OPCML: variants seen among roughly 807,000 people sequenced by gnomAD.
The protein encoded by OPCML is opioid binding protein/cell adhesion molecule like.
OPCML carries 13 observed loss-of-function variants against 37.8 expected under a neutral mutation model. The ratio of observed to expected loss-of-function variants is 0.34; its 90% confidence interval spans 0.22 to 0.55. The LOEUF (loss-of-function observed/expected upper bound fraction) is 0.55. Ranked by LOEUF, OPCML falls within the 20% of genes least tolerant of loss-of-function variation. The probability of loss-of-function intolerance (pLI) is 0.91; values close to 1 mark genes in which losing one functional copy is unlikely to be tolerated. For missense variants in OPCML, 341 were observed against 435.6 expected, an observed-to-expected ratio of 0.78 and a Z score of 1.93; for synonymous variants, 176 against 168.8, an observed-to-expected ratio of 1.04 and a Z score of -0.33.
At chr11:132,570,113 A>G (rs949886060) in intron 3 of OPCML, among the ~76,000 whole-genome samples, 2 of 152,228 alleles carry the variant, frequency 1.3e-5, no homozygotes, top group African/African-American at 4.8e-5. Context: ...ATCAAAATTC[A>G]TAAATAACGG....
intron 2 of OPCML, among the ~76,000 whole-genome samples, chr11:132,692,576 G>A (rs1343091563): frequency 6.6e-6 from 1 of 152,176 alleles, no homozygotes; most frequent in African/African-American, 2.4e-5. Context: ...AAATCACCCA[G>A]GGGAGGTGCT....
chr11:133,235,382 C>G (rs1310868668), intron 1 of OPCML, among the ~76,000 whole-genome samples: 4 of 151,920 alleles, frequency 2.6e-5, no homozygotes, highest in African/African-American at 4.8e-5. Flanking sequence ...TTATGTAACT[C>G]TAGTACCAGA....
At chr11:132,924,552 G>A (rs992764903) in intron 2 of OPCML, among the ~76,000 whole-genome samples, 8 of 152,174 alleles carry the variant, frequency 5.3e-5, no homozygotes, top group Admixed American at 4.6e-4. Context: ...TTCTTGCAAT[G>A]CTTTAAATAT....
intron 2 of OPCML, among the ~76,000 whole-genome samples, chr11:132,777,799 GTC>G (rs1491158973): frequency 2.0e-5 from 3 of 152,238 alleles, no homozygotes; most frequent in South Asian, 2.1e-4. Flanking sequence ...TTTGAATCTG[GTC>G]TCACACCTGT....
intron 1 of OPCML, among the ~76,000 whole-genome samples, chr11:133,448,802 C>G (rs1398712320): frequency 6.6e-6 from 1 of 152,154 alleles, no homozygotes; most frequent in African/African-American, 2.4e-5. Context: ...ATATCATCAT[C>G]TAGAGATCCA....
intron 1 of OPCML, among the ~76,000 whole-genome samples, chr11:133,479,998 G>A (rs1348667454): frequency 2.0e-5 from 3 of 152,190 alleles, no homozygotes; most frequent in African/African-American, 4.8e-5. Flanking sequence ...AGAAAAAGGG[G>A]AACGTTTCTA....
At chr11:132,695,544 C>T (rs1291407228) in intron 2 of OPCML, among the ~76,000 whole-genome samples, 1 of 152,160 alleles carries the variant, frequency 6.6e-6, no homozygotes, top group Non-Finnish European at 1.5e-5. Flanking sequence ...CATGACCAGG[C>T]TGAATAACTT....
chr11:132,769,243 GT>G (rs547838851), intron 2 of OPCML, among the ~76,000 whole-genome samples: 46 of 144,802 alleles, frequency 3.2e-4, no homozygotes, highest in South Asian at 1.3e-3. Flanking sequence ...TTTGTTTGTT[GT>G]TTTTTTTTTT....
At position 133,205,552 on chromosome 11, in the gene OPCML, C is replaced by T. The variant is rs192411278; in HGVS notation, c.62-262542G>A. Among the ~76,000 whole-genome samples, 1 of 152,312 alleles carries T rather than the reference C, an allele frequency of 6.6e-6. No homozygotes were observed. Among genetic ancestry groups the T allele is most frequent in the Admixed American group, 6.5e-5 (1 of 15,306 alleles). On this transcript the variant is annotated intron_variant, in intron 1 of 7. Coordinates refer to ENST00000524381, the MANE Select transcript of OPCML (RefSeq NM_001012393.5). The surrounding 1 kb of genome is among the most constrained non-coding windows in gnomAD (Gnocchi z 4.8). ...GAGCCTCACCCTATGGGGACTGACG[C>T]CGTCTCCAGGTAGACAGTGTCAGAA... is the stretch of plus-strand genomic sequence containing the variant.
At chr11:133,303,033 C>T (rs1942818978) in intron 1 of OPCML, among the ~76,000 whole-genome samples, 1 of 152,124 alleles carries the variant, frequency 6.6e-6, no homozygotes, top group Non-Finnish European at 1.5e-5. Context: ...GTTTGGATAT[C>T]GGTTATTGAG....
chr11:133,042,587 C>G (rs1035944295), intron 1 of OPCML, among the ~76,000 whole-genome samples: 17 of 152,314 alleles, frequency 1.1e-4, no homozygotes, highest in Admixed American at 1.1e-3. Flanking sequence ...AGTTCCCACA[C>G]TGGCTTCCTG....
chr11:133,434,110 A>G (rs1471521358), intron 1 of OPCML, among the ~76,000 whole-genome samples: 1 of 152,224 alleles, frequency 6.6e-6, no homozygotes, highest in Non-Finnish European at 1.5e-5. Flanking sequence ...TTCCAAAAAA[A>G]GGAAAGCATT....
intron 3 of OPCML, among the ~76,000 whole-genome samples, chr11:132,653,760 C>A (rs772923927): frequency 6.6e-6 from 1 of 152,164 alleles, no homozygotes; most frequent in Non-Finnish European, 1.5e-5. Context: ...AAAGCTGAGT[C>A]CCTTAGGCGT....
intron 3 of OPCML, among the ~76,000 whole-genome samples, chr11:132,553,009 C>T (rs1381094872): frequency 6.6e-6 from 1 of 152,022 alleles, no homozygotes; most frequent in African/African-American, 2.4e-5. Context: ...CGTGATCCAC[C>T]CACCTTGGCC....
chr11:133,056,234 A>T (rs922332919), intron 1 of OPCML, among the ~76,000 whole-genome samples: 1 of 152,240 alleles, frequency 6.6e-6, no homozygotes, highest in Non-Finnish European at 1.5e-5. Context: ...TCATTCCTAA[A>T]CATCTGATGT....
chr11:133,126,017 T>C (rs1014682868), intron 1 of OPCML, among the ~76,000 whole-genome samples: 1 of 150,670 alleles, frequency 6.6e-6, no homozygotes, highest in Admixed American at 6.6e-5. Flanking sequence ...GACACATATG[T>C]GTATATATAC....
At chr11:132,989,627 GT>G (rs1265259662) in intron 1 of OPCML, among the ~76,000 whole-genome samples, 5 of 151,108 alleles carry the variant, frequency 3.3e-5, no homozygotes, top group African/African-American at 1.2e-4. Context: ...GTGTGTGTGT[GT>G]GTGTGTGTGT....
intron 2 of OPCML, among the ~76,000 whole-genome samples, chr11:132,683,193 G>C (rs1419279203): frequency 6.6e-6 from 1 of 152,182 alleles, no homozygotes; most frequent in East Asian, 1.9e-4. Flanking sequence ...GGCTGGAAGA[G>C]TTGGAGACCA....
intron 3 of OPCML, among the ~76,000 whole-genome samples, chr11:132,556,440 G>A (rs957009768): frequency 8.5e-5 from 13 of 152,136 alleles, no homozygotes; most frequent in East Asian, 3.9e-4. Flanking sequence ...TACAAGAGAC[G>A]TTAGAATTTG....
Sources: allele counts gnomAD v4.1 joint callset (sites outside exome capture counted in the v4.1 genomes callset), GRCh38; gene constraint gnomAD v4.1.1; non-coding constraint Gnocchi (gnomAD v3.1); transcripts MANE v1.5; gene names NCBI Gene and HGNC (gene_info 2026-07-23, HGNC 2026-07-21).